The following ZRANB3 variants were observed in gnomAD, a reference collection of about 807,000 sequenced individuals.
ZRANB3 encodes DNA annealing helicase and endonuclease ZRANB3.
Under a neutral mutation model 133.8 loss-of-function variants are expected in ZRANB3, and 125 were observed. That is an observed-to-expected ratio of 0.93 (90% CI 0.81 to 1.08). The LOEUF (loss-of-function observed/expected upper bound fraction) is 1.08. Ranked by LOEUF, ZRANB3 falls within the 50% of genes least tolerant of loss-of-function variation. The probability of loss-of-function intolerance (pLI) is 0.00; values close to 1 mark genes in which losing one functional copy is unlikely to be tolerated. For synonymous variants in ZRANB3, 387 were observed against 432.7 expected (o/e 0.89, Z 1.31); for missense variants, 1,229 against 1,275.5 (o/e 0.96, Z 0.56).
chr2:135,237,253 A>C (rs1400268190), intron 12 of ZRANB3, among the ~76,000 whole-genome samples: 1 of 149,864 alleles, frequency 6.7e-6, no homozygotes, highest in Non-Finnish European at 1.5e-5. Flanking sequence ...ACCATCTCAC[A>C]CCAGTTAGAA....
chr2:135,474,565 T>C (rs1691421118), intron 2 of ZRANB3, among the ~76,000 whole-genome samples: 1 of 152,112 alleles, frequency 6.6e-6, no homozygotes, highest in Admixed American at 6.6e-5. Context: ...TCTCACCATA[T>C]GACATGCCTG....
chr2:135,298,150 C>A (rs1573862044), intron 8 of ZRANB3, among the ~76,000 whole-genome samples: 1 of 152,128 alleles, frequency 6.6e-6, no homozygotes, highest in African/African-American at 2.4e-5. Flanking sequence ...ATTGCTTGAA[C>A]CCGGGAGGCA....
At chr2:135,379,291 C>T (rs1686579004) in intron 3 of ZRANB3, among the ~76,000 whole-genome samples, 1 of 151,932 alleles carries the variant, frequency 6.6e-6, no homozygotes, top group East Asian at 1.9e-4. Context: ...GTAGTCTCAC[C>T]AACACACACT....
At chr2:135,413,247 A>G (rs1203829036) in intron 2 of ZRANB3, among the ~76,000 whole-genome samples, 6 of 152,206 alleles carry the variant, frequency 3.9e-5, no homozygotes, top group African/African-American at 1.4e-4. Context: ...AAGTAGAAAG[A>G]TGACATGAAT....
Position 135,224,445 on chromosome 2 carries a change from C to A in ZRANB3, c.2231G>T (p.Arg744Leu). The A allele has an allele frequency of 1.2e-6, 2 of 1,612,092 alleles. No individual in the cohort carries two copies. Among genetic ancestry groups the A allele is most frequent in the Non-Finnish European group, 1.7e-6 (2 of 1,178,816 alleles). The change falls in exon 15 of 21, where the codon CGG becomes CTG. Residue 744 changes from arginine (R) to leucine (L), a missense_variant. Physicochemically the swap from Arg to Leu is moderately radical, Grantham distance 102. Coordinates refer to ENST00000264159, the MANE Select transcript of ZRANB3 (RefSeq NM_032143.4). ...GCTTACCTTAGTATAGATGTGAATC[C>A]GGTCAGTATTCCTACTTGCACAGAA... ...LMFCASRNTDRIHIYTKDGKQ... is the reference protein window; with the variant it reads ...LMFCASRNTDLIHIYTKDGKQ...
At chr2:135,369,792 T>A (rs1686090722) in intron 3 of ZRANB3, among the ~76,000 whole-genome samples, 2 of 152,098 alleles carry the variant, frequency 1.3e-5, no homozygotes, top group Admixed American at 1.3e-4. Context: ...ACTCCTCAAT[T>A]TTCGTTTTTT....
At chr2:135,484,399 T>G (rs1458122180) in intron 2 of ZRANB3, among the ~76,000 whole-genome samples, 2 of 152,188 alleles carry the variant, frequency 1.3e-5, no homozygotes, top group African/African-American at 4.8e-5. Flanking sequence ...AAATAGCAAA[T>G]GTTCTTGTTC....
At chr2:135,463,196 T>C (rs1338067144) in intron 2 of ZRANB3, among the ~76,000 whole-genome samples, 3 of 152,132 alleles carry the variant, frequency 2.0e-5, no homozygotes, top group Non-Finnish European at 1.5e-5. Context: ...AAAAATTACA[T>C]ATAAATATAT....
At chr2:135,434,147 G>A (rs1689433266) in intron 2 of ZRANB3, among the ~76,000 whole-genome samples, 1 of 152,188 alleles carries the variant, frequency 6.6e-6, no homozygotes, top group Admixed American at 6.5e-5. Context: ...GGGCAACAGA[G>A]CGAGAGACTC....
chr2:135,426,857 AAAAAAAATATATATATATATATATAT>A (rs1689104517), intron 2 of ZRANB3, among the ~76,000 whole-genome samples: 1 of 54,752 alleles, frequency 1.8e-5, no homozygotes, highest in African/African-American at 1.2e-4. Flanking sequence ...AAAAAAAAAA[AAAAAAAATATATATATATATATATAT>A]ATATATATAT....
At chr2:135,520,322 G>T (rs901576732) in intron 1 of ZRANB3, among the ~76,000 whole-genome samples, 5 of 151,972 alleles carry the variant, frequency 3.3e-5, no homozygotes, top group Non-Finnish European at 7.4e-5. Context: ...TTGAACCCAG[G>T]AGACGGAGGT....
chr2:135,288,842 T>C (rs998930844), intron 8 of ZRANB3, among the ~76,000 whole-genome samples: 3 of 151,792 alleles, frequency 2.0e-5, no homozygotes, highest in Non-Finnish European at 2.9e-5. Flanking sequence ...TTTGTTTATA[T>C]TTTTAAAGAA....
intron 1 of ZRANB3, chr2:135,511,089 T>C (rs780280514): frequency 1.3e-6 from 1 of 769,576 alleles, no homozygotes; most frequent in Non-Finnish European, 2.4e-6. Flanking sequence ...AGGCTTAGAC[T>C]CTGTACAGGG....
At chr2:135,465,622 A>G (rs1690952980) in intron 2 of ZRANB3, among the ~76,000 whole-genome samples, 1 of 152,218 alleles carries the variant, frequency 6.6e-6, no homozygotes, top group Non-Finnish European at 1.5e-5. Context: ...AGACTTCATG[A>G]CTAAAACACC....
rs554293450 is a variant in ZRANB3, at chr2:135,393,455, C to A, written c.162-2635G>T. On this transcript the variant is annotated intron_variant, in intron 2 of 20. Coordinates refer to ENST00000264159, the MANE Select transcript of ZRANB3 (RefSeq NM_032143.4). ...TTATCTTAAAGCACAGAACAGAAAGCAAAATAAATGGAAATACTGAAGGAA... is the reference window on the plus strand; with the variant it reads ...TTATCTTAAAGCACAGAACAGAAAGAAAAATAAATGGAAATACTGAAGGAA... 8.2e-4 allele frequency among the ~76,000 whole-genome samples: 123 copies of A among 150,526 alleles called. 1 individual carries two copies. Among genetic ancestry groups the A allele is most frequent in the African/African-American group, 2.6e-3 (108 of 41,024 alleles).
intron 3 of ZRANB3, among the ~76,000 whole-genome samples, chr2:135,373,800 A>AGAGAGGAGGGGAGGGGAGGG (rs1686290310): frequency 7.1e-5 from 1 of 14,168 alleles, no homozygotes; most frequent in Non-Finnish European, 1.6e-4. Flanking sequence ...AAGAAAAGAA[A>AGAGAGGAGGGGAGGGGAGGG]GAGGGGAGGG....
At chr2:135,266,494 C>T (rs993452588) in intron 11 of ZRANB3, among the ~76,000 whole-genome samples, 2 of 152,010 alleles carry the variant, frequency 1.3e-5, no homozygotes, top group Middle Eastern at 3.2e-3. Context: ...AGGCCAGGAG[C>T]GGTGGCTCAT....
intron 1 of ZRANB3, among the ~76,000 whole-genome samples, chr2:135,506,003 G>A (rs544788128): frequency 6.6e-6 from 1 of 152,192 alleles, no homozygotes; most frequent in East Asian, 1.9e-4. Flanking sequence ...AAGCCACCCA[G>A]GATCAAAATT....
chr2:135,352,258 G>A (rs937560084), intron 4 of ZRANB3, among the ~76,000 whole-genome samples: 12 of 151,846 alleles, frequency 7.9e-5, no homozygotes, highest in African/African-American at 2.7e-4. Flanking sequence ...CTTGAACCCA[G>A]GATGCAGAGG....
Sources: allele counts gnomAD v4.1 joint callset (sites outside exome capture counted in the v4.1 genomes callset), GRCh38; gene constraint gnomAD v4.1.1; transcripts MANE v1.5; gene names NCBI Gene and HGNC (gene_info 2026-07-23, HGNC 2026-07-21).